Variants in MESP1 observed in about 807,000 individuals in gnomAD.
MESP1 encodes the protein mesoderm posterior bHLH transcription factor 1, also known as mesoderm posterior protein 1.
A neutral mutation model predicts 15.2 loss-of-function variants in MESP1; 22 were observed. The ratio of observed to expected loss-of-function variants is 1.45; its 90% confidence interval spans 1.04 to 2.07. MESP1 has a LOEUF of 2.07. Ranked by LOEUF, MESP1 falls within the 30% of genes most tolerant of loss-of-function variation. MESP1 has a pLI of 0.00. For missense variants in MESP1, 484 were observed against 411.9 expected (o/e 1.17, Z -1.51); for synonymous variants, 216 against 192.6 (o/e 1.12, Z -1.01).
the MESP1 span, among the ~76,000 whole-genome samples, chr15:89,744,292 T>C: frequency 6.6e-6 from 1 of 152,238 alleles, no homozygotes; most frequent in Non-Finnish European, 1.5e-5. Flanking sequence ...CATGTGGCAC[T>C]GATGCTGGCT....
chr15:89,739,516 C>T, the MESP1 span, among the ~76,000 whole-genome samples: 2 of 152,200 alleles, frequency 1.3e-5, no homozygotes, highest in Non-Finnish European at 2.9e-5. Context: ...GCTATCAAAG[C>T]ATAAGGAACA....
the MESP1 span, among the ~76,000 whole-genome samples, chr15:89,742,462 AGGGGTGAATCTT>A: frequency 6.6e-6 from 1 of 151,970 alleles, no homozygotes; most frequent in East Asian, 1.9e-4. Flanking sequence ...GTGCACTCTG[AGGGGTGAATCTT>A]GGGCTTCTCT....
the MESP1 span, chr15:89,738,142 A>G: frequency 6.2e-7 from 1 of 1,614,166 alleles, no homozygotes. Flanking sequence ...AAATATCTCA[A>G]AAAATTGTAC....
At chr15:89,742,158 TG>T in the MESP1 span, among the ~76,000 whole-genome samples, 1 of 152,262 alleles carries the variant, frequency 6.6e-6, no homozygotes, top group East Asian at 1.9e-4. Context: ...GAGACAGAGA[TG>T]GAGGATCACT....
the MESP1 span, chr15:89,743,372 G>A: frequency 1.2e-6 from 2 of 1,614,080 alleles, no homozygotes; most frequent in African/African-American, 2.7e-5. Flanking sequence ...TCGCTCCAGA[G>A]AGAGAACTTC....
chr15:89,747,520 C>T (rs1180841406), downstream of MESP1, among the ~76,000 whole-genome samples: 2 of 152,240 alleles, frequency 1.3e-5, no homozygotes. Context: ...CGGTGCAGTC[C>T]TTCTCACTAC....
the MESP1 span, among the ~76,000 whole-genome samples, chr15:89,732,804 GA>G: frequency 2.5e-3 from 381 of 152,174 alleles, 4 homozygotes; most frequent in Admixed American, 2.7e-3. Context: ...TTCCTCTCCA[GA>G]CACAGCAGCA....
At chr15:89,736,011 G>C in the MESP1 span, among the ~76,000 whole-genome samples, 1 of 152,200 alleles carries the variant, frequency 6.6e-6, no homozygotes, top group East Asian at 1.9e-4. Flanking sequence ...AATGTGGAGA[G>C]GGAGGAGGCT....
chr15:89,734,143 C>T, the MESP1 span, among the ~76,000 whole-genome samples: 1 of 152,184 alleles, frequency 6.6e-6, no homozygotes, highest in African/African-American at 2.4e-5. Flanking sequence ...ATCAATCCTT[C>T]TTGCTCCGCC....
chr15:89,749,839 C>T, downstream of MESP1: 1 of 337,306 alleles, frequency 3.0e-6, no homozygotes, highest in Non-Finnish European at 5.8e-6. Context: ...AGAGAGGGAG[C>T]TCTGTGTCCA....
At chr15:89,738,519 C>T in the MESP1 span, among the ~76,000 whole-genome samples, 810 of 149,740 alleles carry the variant, frequency 5.4e-3, 8 homozygotes, top group African/African-American at 0.019. Context: ...CCCAGCTACT[C>T]GGGAGGCTGA....
At chr15:89,745,891 A>G (rs1967931909), downstream of MESP1, among the ~76,000 whole-genome samples, 2 of 79,484 alleles carry the variant, frequency 2.5e-5, no homozygotes, top group South Asian at 9.5e-4. This position sits in a 1 kb window ranked among gnomAD's most constrained non-coding sequence, Gnocchi z 4.8. Context: ...ACCTCCACAC[A>G]TCCACACCTC....
chr15:89,739,247 G>A, the MESP1 span, among the ~76,000 whole-genome samples: 40 of 152,174 alleles, frequency 2.6e-4, no homozygotes, highest in East Asian at 3.3e-3. Flanking sequence ...GAACACAGCC[G>A]TGCCCATTTG....
chr15:89,742,935 G>A, the MESP1 span, among the ~76,000 whole-genome samples: 2 of 152,204 alleles, frequency 1.3e-5, no homozygotes, highest in South Asian at 2.1e-4. Context: ...TCAGCGTAAT[G>A]TCCTCAATAG....
At chr15:89,739,041 G>T in the MESP1 span, among the ~76,000 whole-genome samples, 1 of 151,782 alleles carries the variant, frequency 6.6e-6, no homozygotes, top group Admixed American at 6.6e-5. Flanking sequence ...GCTTGAACCT[G>T]GGAGGCAGAG....
chr15:89,733,946 C>A, the MESP1 span, among the ~76,000 whole-genome samples: 1 of 152,156 alleles, frequency 6.6e-6, no homozygotes, highest in African/African-American at 2.4e-5. Context: ...ATCTCTCTCT[C>A]TTTTAAACAT....
At chr15:89,737,855 C>G in the MESP1 span, 1 of 1,413,272 alleles carries the variant, frequency 7.1e-7, no homozygotes, top group African/African-American at 1.4e-5. Flanking sequence ...CCAAAGGGTA[C>G]CGCAGCTCAG....
Position 89,751,037 on chromosome 15 carries a change from G to T in MESP1, c.195C>A (p.Arg65=). The T allele has an allele frequency of 7.4e-7, 1 of 1,347,388 alleles. No individual in the cohort carries two copies. The highest frequency in any genetic ancestry group is 1.9e-5 in the South Asian group (1 of 51,592). The allele number at this position is 1,347,388 out of a possible 1,614,324, so 83.5% of individuals were successfully genotyped here. The change falls in exon 1 of 2, where the codon CGC becomes CGA. Residue 65 remains arginine, a synonymous_variant. Coordinates refer to ENST00000300057, the MANE Select transcript of MESP1 (RefSeq NM_018670.4). ...CGCCGCGCCTACCTACGGAGGGGGC[G>T]CGGGGGTCCCGGAGGGTGCCTGGCC... is the stretch of plus-strand genomic sequence containing the variant. ...PARPGTLRDP[R]APSVGRRGAR... is the part of the protein sequence containing the mutation.
the MESP1 span, among the ~76,000 whole-genome samples, chr15:89,735,863 A>G: frequency 2.6e-5 from 4 of 152,106 alleles, no homozygotes; most frequent in African/African-American, 9.7e-5. Flanking sequence ...GCAGCAGGGG[A>G]GGACTGTGTT....
Sources: gnomAD v4.1 joint callset for allele counts (sites outside exome capture counted in the v4.1 genomes callset) on GRCh38, gnomAD v4.1.1 for gene constraint, Gnocchi (gnomAD v3.1) non-coding constraint, MANE v1.5 for transcripts, NCBI Gene and HGNC (gene_info 2026-07-23, HGNC 2026-07-21) for gene names.